Variants in KANK1 observed in about 807,000 individuals in gnomAD.
KANK1 encodes KN motif and ankyrin repeat domains 1.
Under a neutral mutation model 106.2 loss-of-function variants are expected in KANK1, and 109 were observed. The ratio of observed to expected loss-of-function variants is 1.03; its 90% CI spans 0.88 to 1.20. The LOEUF (loss-of-function observed/expected upper bound fraction) is 1.20, where lower values mean the gene tolerates loss of function less well. Ranked by LOEUF, KANK1 falls within the 50% of genes most tolerant of loss-of-function variation. The pLI, the probability that KANK1 is intolerant of heterozygous loss-of-function variation, is 0.00. For synonymous variants in KANK1, 873 were observed against 652.2 expected, an observed-to-expected ratio of 1.34 and a Z score of -5.16; for missense variants, 2,399 against 1,710.7, an observed-to-expected ratio of 1.40 and a Z score of -7.10.
rs767618077 is a variant in KANK1, at chr9:691,611, A to ATTTTTTTTTTTTTTTTT, written c.37+14605_37+14621dup. ...AATAATGTAACTAAATAATACCAGA[A>ATTTTTTTTTTTTTTTTT]TTTTTTTTTTTTTTTTTTTGAGACC... On this transcript the variant is annotated intron_variant, in intron 2 of 11. Transcript: ENST00000382297. 1.8e-4 allele frequency among the ~76,000 whole-genome samples: 13 copies of ATTTTTTTTTTTTTTTTT among 71,066 alleles called. 1 individual carries two copies. The highest frequency in any genetic ancestry group is 5.6e-4 in the African/African-American group (12 of 21,614). The allele number at this position is 71,066 out of a possible 152,430, so 46.6% of individuals were successfully genotyped here.
intron 3 of KANK1, among the ~76,000 whole-genome samples, chr9:726,002 G>A (rs1003695094): frequency 1.3e-5 from 2 of 152,186 alleles, no homozygotes; most frequent in Non-Finnish European, 2.9e-5. Flanking sequence ...AGTAGCCTGT[G>A]ACTCTTTAGC....
At chr9:615,992 A>G (rs749204624) in intron 1 of KANK1, among the ~76,000 whole-genome samples, 1 of 152,210 alleles carries the variant, frequency 6.6e-6, no homozygotes, top group South Asian at 2.1e-4. Context: ...CTCTTGAGGC[A>G]TGAAAGCCTA....
rs1038340158 is a variant in KANK1 at position 738,522 on chromosome 9, C to A, written c.3553+18C>A. ...AGATGCCGGTATGTTGGCTGCCCTT[C>A]CACCCTCTCTTCTCTAACAGTACTT... On this transcript the variant is annotated intron_variant, in intron 8 of 11. Transcript: ENST00000382297. 3.1e-6 allele frequency: 5 copies of A among 1,589,248 alleles called. No homozygotes were observed. Among genetic ancestry groups the A allele is most frequent in the Non-Finnish European group, 4.3e-6 (5 of 1,157,840 alleles).
rs200636103 is a variant in KANK1 at position 738,365 on chromosome 9, C to A, written c.3414C>A (p.Asp1138Glu). Residue 1138 changes from aspartate (D) to glutamate (E), a missense_variant, in exon 8 of 12, where the codon GAC becomes GAA. Coordinates refer to ENST00000382297, the MANE Select transcript of KANK1 (RefSeq NM_015158.5). ...CAGCCATTCCAGCCATGGTGGGGGA[C>A]TACATAGCTGCTTTTGAGGCCATTT... ...QKSAIPAMVG[D>E]YIAAFEAISP... 1.4e-5 allele frequency: 22 copies of A among 1,614,150 alleles called. No homozygotes were observed. The highest frequency in any genetic ancestry group is 1.9e-5 in the Non-Finnish European group (22 of 1,180,028).
chr9:536,364 C>T (rs1400421673), intron 1 of KANK1, among the ~76,000 whole-genome samples: 5 of 152,036 alleles, frequency 3.3e-5, no homozygotes, highest in Non-Finnish European at 7.4e-5. Flanking sequence ...CAAAAGCACA[C>T]ATTTTTTTAT....
At chr9:593,460 C>G (rs1292089903) in intron 1 of KANK1, among the ~76,000 whole-genome samples, 2 of 148,540 alleles carry the variant, frequency 1.3e-5, no homozygotes, top group Non-Finnish European at 2.9e-5. Flanking sequence ...TTCCCCCCCC[C>G]CATATACTTG....
intron 1 of KANK1, among the ~76,000 whole-genome samples, chr9:579,477 C>G (rs1486552036): frequency 6.6e-6 from 1 of 152,180 alleles, no homozygotes; most frequent in Admixed American, 6.5e-5. Flanking sequence ...CCATCCTCAC[C>G]TTTCTGCACT....
At chr9:696,572 T>G (rs1821363212) in intron 2 of KANK1, among the ~76,000 whole-genome samples, 1 of 151,964 alleles carries the variant, frequency 6.6e-6, no homozygotes, top group Non-Finnish European at 1.5e-5. Context: ...GGGGATAGAA[T>G]GAGCAAAGAT....
Position 676,976 on chromosome 9 carries a change from G to T in KANK1, c.4G>T (p.Ala2Ser). M[A>S]HTTKVNGSAS... The stretch of plus-strand genomic sequence containing the variant: ...CTCTCATTGGACTCAAGCCAGCATG[G>T]CTCACACCACAAAGGTTAACGGCAG... Residue 2 changes from alanine to serine, a missense_variant, in exon 2 of 12, where the codon GCT (alanine) becomes TCT (serine). Physicochemically the swap from Ala to Ser is moderately conservative, Grantham distance 99. Transcript: ENST00000382297. The T allele has an allele frequency of 1.9e-6, 3 of 1,613,682 alleles. No individual in the cohort carries two copies. The highest frequency in any genetic ancestry group is 1.7e-6 in the Non-Finnish European group (2 of 1,179,746).
In KANK1 at chr9:599,223, G is replaced by T. The variant is rs906512901; in HGVS notation, c.-83-77667G>T. On this transcript the variant is annotated intron_variant, in intron 1 of 11. Coordinates refer to ENST00000382297, the MANE Select transcript of KANK1 (RefSeq NM_015158.5). ...AGTAGAGACGGGGTTTTTCCATGTT[G>T]GTCAGGCTGGTCTTGAACTCCTGAC... Among the ~76,000 whole-genome samples the T allele has an allele frequency of 2.0e-5, 3 of 150,822 alleles. 1 individual carries two copies. The highest frequency in any genetic ancestry group is 7.4e-5 in the African/African-American group (3 of 40,688).
At chr9:676,178 G>A (rs1420969476) in intron 1 of KANK1, among the ~76,000 whole-genome samples, 1 of 152,084 alleles carries the variant, frequency 6.6e-6, no homozygotes, top group East Asian at 1.9e-4. Context: ...GTCTCATCCT[G>A]TGACTAAGAA....
chr9:691,459 C>G (rs912207994), intron 2 of KANK1, among the ~76,000 whole-genome samples: 5 of 150,762 alleles, frequency 3.3e-5, no homozygotes, highest in South Asian at 2.1e-4. Context: ...CAAGGTCTCA[C>G]TATTTTGCTT....
At chr9:528,499 TGA>T (rs1250273034) in intron 1 of KANK1, among the ~76,000 whole-genome samples, 1 of 104,864 alleles carries the variant, frequency 9.5e-6, no homozygotes, top group Non-Finnish European at 1.9e-5. Flanking sequence ...TTTTTTTTTT[TGA>T]GACGGAGTCT....
chr9:598,137 G>A (rs552819999), intron 1 of KANK1, among the ~76,000 whole-genome samples: 3 of 151,594 alleles, frequency 2.0e-5, no homozygotes, highest in East Asian at 3.8e-4. Flanking sequence ...TTCCCCATTT[G>A]AATGGTCTTT....
At chr9:495,577 C>T (rs773787959) in intron 3 of KANK1, 1 of 152,016 alleles carries the variant, frequency 6.6e-6, no homozygotes, top group Non-Finnish European at 1.5e-5. Context: ...CTTCATATAT[C>T]AAGGAGCATT....
chr9:725,015 T>C (rs973790007), intron 3 of KANK1, among the ~76,000 whole-genome samples: 1 of 152,172 alleles, frequency 6.6e-6, no homozygotes, highest in Non-Finnish European at 1.5e-5. Context: ...TGTGAAACGT[T>C]GTTTGGACCG....
In KANK1 at chr9:745,389, CAG is replaced by C; in HGVS notation, c.*158_*159del. The C allele has an allele frequency of 5.6e-6, 5 of 888,352 alleles. No individual in the cohort carries two copies. The highest frequency in any genetic ancestry group is 8.9e-6 in the Non-Finnish European group (5 of 563,326). 55.0% of individuals were successfully genotyped at this position (888,352 alleles called of 1,614,324 possible). A position where few individuals can be genotyped will look rare whatever the true frequency, so the allele number is the denominator to read the frequency against. ...GGTAAAGGCTGAAGCTTTCACAGTG[CAG>C]AGACTGCTAGCCTGGGCACACACAC... is the stretch of plus-strand genomic sequence containing the variant. On this transcript the variant is annotated 3_prime_UTR_variant, in exon 12 of 12. Coordinates refer to ENST00000382297, the MANE Select transcript of KANK1 (RefSeq NM_015158.5).
chr9:667,744 T>TG lies in KANK1; in HGVS notation c.-83-9146_-83-9145insG, dbSNP rs1380022394. Among the ~76,000 whole-genome samples the TG allele has an allele frequency of 2.3e-3, 286 of 125,982 alleles. 1 individual carries two copies. Among genetic ancestry groups the TG allele is most frequent in the Admixed American group, 3.5e-3 (46 of 13,236 alleles). The allele number at this position is 125,982 out of a possible 152,430, so 82.6% of individuals were successfully genotyped here. ...GTTTAATTTCCAAAGGTTTTTTTGT[T>TG]TTGTTTTTTTTTTTGAGATGGAGTC... On this transcript the variant is annotated intron_variant, in intron 1 of 11. Transcript: ENST00000382297.
intron 1 of KANK1, among the ~76,000 whole-genome samples, chr9:614,406 A>G (rs939629610): frequency 6.6e-6 from 1 of 152,158 alleles, no homozygotes; most frequent in African/African-American, 2.4e-5. Context: ...TTTAAATGAA[A>G]AAGATTTATT....
Sources: allele counts gnomAD v4.1 joint callset (sites outside exome capture counted in the v4.1 genomes callset), GRCh38; gene constraint gnomAD v4.1.1; transcripts MANE v1.5; gene names NCBI Gene and HGNC (gene_info 2026-07-23, HGNC 2026-07-21).